Variants in XIRP2 observed in about 807,000 individuals in gnomAD.
XIRP2 encodes the protein xin actin-binding repeat-containing protein 2.
XIRP2 carries 236 observed loss-of-function variants against 277.0 expected under a neutral mutation model. The observed-to-expected ratio is 0.85, with a 90% CI of 0.77 to 0.95. The LOEUF is 0.95. XIRP2 is among the 40% of genes least tolerant of loss of function. XIRP2 has a pLI of 0.00. For missense variants in XIRP2, 4,640 were observed against 4,157.5 expected (o/e 1.12, Z -3.19); for synonymous variants, 1,490 against 1,416.5 (o/e 1.05, Z -1.17).
intron 2 of XIRP2, among the ~76,000 whole-genome samples, chr2:167,018,289 G>T (rs768498010): frequency 1.3e-5 from 2 of 151,900 alleles, no homozygotes; most frequent in Non-Finnish European, 1.5e-5. Flanking sequence ...CTTTGCCAGG[G>T]GTAGGAAGTG....
chr2:167,069,718 C>A (rs564139550), intron 2 of XIRP2, among the ~76,000 whole-genome samples: 3 of 152,242 alleles, frequency 2.0e-5, no homozygotes, highest in Non-Finnish European at 2.9e-5. Flanking sequence ...CTTGCCCATG[C>A]GCAGAATTGG....
chr2:167,013,337 A>G lies in XIRP2; in HGVS notation c.408+109447A>G, dbSNP rs573438618. Among the ~76,000 whole-genome samples, 6 of 151,562 alleles carry G rather than the reference A, an allele frequency of 4.0e-5. No homozygotes were observed. In the South Asian group the frequency reaches 1.2e-3, roughly 31 times the overall value. On this transcript the variant is annotated intron_variant, in intron 2 of 10. Transcript: ENST00000409195. Reference sequence around the variant, plus strand: ...TATTTTTAATGTAGAGCACATAGGAAAAAAACAATTCTAGACTGAAAAATA... The same window carrying G: ...TATTTTTAATGTAGAGCACATAGGAGAAAAACAATTCTAGACTGAAAAATA...
At chr2:167,140,005 C>T (rs1308628984) in intron 3 of XIRP2, among the ~76,000 whole-genome samples, 1 of 150,660 alleles carries the variant, frequency 6.6e-6, no homozygotes, top group Non-Finnish European at 1.5e-5. Context: ...GATCCTCTAT[C>T]TGCCAATTTA....
chr2:167,160,535 G>A (rs1258852736), intron 3 of XIRP2, among the ~76,000 whole-genome samples: 3 of 152,132 alleles, frequency 2.0e-5, no homozygotes, highest in East Asian at 1.9e-4. Context: ...CATCTCACAC[G>A]GCAACAGACA....
chr2:167,239,895 G>T lies in XIRP2; in HGVS notation c.899G>T (p.Ser300Ile). The T allele has an allele frequency of 6.2e-7, 1 of 1,609,332 alleles. No individual in the cohort carries two copies. The change falls in exon 6 of 11, where the codon AGC becomes ATC. Residue 300 changes from serine to isoleucine, a missense_variant. Coordinates refer to ENST00000409195, the MANE Select transcript of XIRP2 (RefSeq NM_152381.6). ...AGCCAGGTTGGCACTTCAAGAAGCA[G>T]CCAGGAAATGGCAAGAAATGAACAA... ...HSSQVGTSRS[S>I]QEMARNEQEG...
intron 3 of XIRP2, among the ~76,000 whole-genome samples, chr2:167,199,628 G>A (rs955963960): frequency 6.6e-6 from 1 of 152,118 alleles, no homozygotes. Flanking sequence ...TGTTTTAGGG[G>A]CACTAGTGGA....
chr2:167,214,121 G>GGAAA (rs1263681917), intron 4 of XIRP2, among the ~76,000 whole-genome samples: 1 of 121,996 alleles, frequency 8.2e-6, no homozygotes, highest in Non-Finnish European at 1.7e-5. Context: ...AAGGAAGGAA[G>GGAAA]GAAGGAAGGA....
intron 2 of XIRP2, among the ~76,000 whole-genome samples, chr2:166,966,438 T>TTA (rs896307039): frequency 5.9e-5 from 9 of 151,938 alleles, no homozygotes; most frequent in African/African-American, 1.7e-4. Flanking sequence ...TCGTTTATGT[T>TTA]TATATATATT....
chr2:166,909,396 C>T (rs1188961187), intron 2 of XIRP2, among the ~76,000 whole-genome samples: 1 of 152,128 alleles, frequency 6.6e-6, no homozygotes, highest in Non-Finnish European at 1.5e-5. Flanking sequence ...TGGGAGTTCA[C>T]TCATGATTTG....
rs1448775517 is a variant in XIRP2, at chr2:167,248,984, A to G, written c.7592A>G (p.Gln2531Arg). 6.2e-7 allele frequency: 1 copy of G among 1,613,374 alleles called. No homozygotes were observed. Among genetic ancestry groups the G allele is most frequent in the Non-Finnish European group, 8.5e-7 (1 of 1,179,714 alleles). Residue 2531 changes from glutamine to arginine, a missense_variant, in exon 9 of 11, where the codon CAA becomes CGA. Gln to Arg is a conservative substitution (Grantham distance 43). Transcript: ENST00000409195. Reference sequence around the variant, plus strand: ...TCATTTCCAGAGAGTTCAGGACAACAAAATCCAAAACCTTATATGAGAAAA... The same window carrying G: ...TCATTTCCAGAGAGTTCAGGACAACGAAATCCAAAACCTTATATGAGAAAA... Reference protein sequence around the residue: ...SHSFPESSGQQNPKPYMRKFK... With the variant: ...SHSFPESSGQRNPKPYMRKFK...
intron 3 of XIRP2, among the ~76,000 whole-genome samples, chr2:167,150,856 T>A: frequency 6.6e-6 from 1 of 152,100 alleles, no homozygotes; most frequent in East Asian, 1.9e-4. Context: ...CATATTAAAA[T>A]ACAGTGATTT....
At chr2:167,030,433 CA>C (rs1373218673) in intron 2 of XIRP2, among the ~76,000 whole-genome samples, 12 of 152,028 alleles carry the variant, frequency 7.9e-5, no homozygotes, top group Non-Finnish European at 1.2e-4. Context: ...TCATTGGGTT[CA>C]AAAAACTTAT....
At chr2:167,015,094 C>T (rs1687784737) in intron 2 of XIRP2, among the ~76,000 whole-genome samples, 1 of 151,816 alleles carries the variant, frequency 6.6e-6, no homozygotes, top group South Asian at 2.1e-4. Context: ...CCAAGACTCA[C>T]CTTTGACCAC....
chr2:167,130,306 T>A (rs1308231317), intron 2 of XIRP2, among the ~76,000 whole-genome samples: 1 of 152,164 alleles, frequency 6.6e-6, no homozygotes, highest in African/African-American at 2.4e-5. Context: ...ATCATGACTG[T>A]TATTTATTAA....
intron 3 of XIRP2, among the ~76,000 whole-genome samples, chr2:167,177,882 GT>G (rs1420148842): frequency 6.6e-6 from 1 of 151,980 alleles, no homozygotes; most frequent in East Asian, 1.9e-4. Context: ...TGATTGCATC[GT>G]TTTTTCTAAT....
chr2:167,211,642 A>G (rs1694051414), intron 4 of XIRP2, among the ~76,000 whole-genome samples: 2 of 152,208 alleles, frequency 1.3e-5, no homozygotes, highest in Admixed American at 6.5e-5. Flanking sequence ...CCTTGGTCTC[A>G]TATATGGTTC....
rs372149804 is a variant in XIRP2 at position 167,135,967 on chromosome 2, A to T, written c.467A>T (p.Gln156Leu). 26 of 1,612,220 alleles carry T rather than the reference A, an allele frequency of 1.6e-5. No homozygotes were observed. In the East Asian group the frequency reaches 2.7e-4, roughly 17 times the overall value. The change falls in exon 3 of 11, where the codon CAG becomes CTG. Residue 156 changes from glutamine to leucine, a missense_variant. Transcript: ENST00000409195. ...GCTTTTAAGAGTCACCCTGGGAGCC[A>T]GCTGGAGGATTCTGTGAAAGATTCA... Reference protein sequence around the residue: ...SPAFKSHPGSQLEDSVKDSDK... With the variant: ...SPAFKSHPGSLLEDSVKDSDK...
At chr2:166,931,638 A>T (rs1373768278) in intron 2 of XIRP2, among the ~76,000 whole-genome samples, 2 of 152,192 alleles carry the variant, frequency 1.3e-5, no homozygotes, top group South Asian at 2.1e-4. Context: ...CCATTGTATA[A>T]GTATATAATA....
chr2:167,168,977 C>T (rs763468277), intron 3 of XIRP2, among the ~76,000 whole-genome samples: 10 of 152,248 alleles, frequency 6.6e-5, no homozygotes, highest in Admixed American at 2.0e-4. Context: ...ATAATTCCAA[C>T]GTCCCTGCCA....
Sources: allele counts gnomAD v4.1 joint callset (sites outside exome capture counted in the v4.1 genomes callset), GRCh38; gene constraint gnomAD v4.1.1; transcripts MANE v1.5; gene names NCBI Gene and HGNC (gene_info 2026-07-23, HGNC 2026-07-21).